FOXP2: variants seen among roughly 807,000 people sequenced by gnomAD.
FOXP2 encodes the protein forkhead box protein P2.
FOXP2 carries 12 observed loss-of-function variants against 115.8 expected under a neutral mutation model. The ratio of observed to expected loss-of-function variants is 0.10; its 90% CI spans 0.07 to 0.17. FOXP2 has a LOEUF of 0.17. FOXP2 is among the 10% of genes least tolerant of loss of function. The probability of loss-of-function intolerance (pLI) is 1.00; values close to 1 mark genes in which losing one functional copy is unlikely to be tolerated. For missense variants in FOXP2, 629 were observed against 843.5 expected, an observed-to-expected ratio of 0.75 and a Z score of 3.15; for synonymous variants, 328 against 297.7, an observed-to-expected ratio of 1.10 and a Z score of -1.05.
At chr7:114,334,947 AT>A (rs1797812171) in intron 2 of FOXP2, among the ~76,000 whole-genome samples, 1 of 143,264 alleles carries the variant, frequency 7.0e-6, no homozygotes, top group African/African-American at 2.6e-5. Flanking sequence ...ATATATATAT[AT>A]ATATATATAT....
chr7:114,510,344 A>G (rs553798677), intron 2 of FOXP2, among the ~76,000 whole-genome samples: 1 of 152,256 alleles, frequency 6.6e-6, no homozygotes, highest in Admixed American at 6.6e-5. Flanking sequence ...CCATTCAATT[A>G]TCTCTTTATG....
chr7:114,248,372 A>G (rs113096585), intron 1 of FOXP2, among the ~76,000 whole-genome samples: 132 of 152,316 alleles, frequency 8.7e-4, no homozygotes, highest in African/African-American at 3.0e-3. Flanking sequence ...CACACCCAGA[A>G]ATAATGTTTA....
At chr7:114,348,482 A>G (rs2690826) in intron 2 of FOXP2, among the ~76,000 whole-genome samples, 69,449 of 151,698 alleles carry the variant, frequency 0.46, 17,477 homozygotes, top group East Asian at 0.84. Flanking sequence ...CTCATCAAGA[A>G]TGATGGTATT....
At chr7:114,132,465 CAAAT>C (rs368968730) in intron 1 of FOXP2, among the ~76,000 whole-genome samples, 100 of 150,814 alleles carry the variant, frequency 6.6e-4, no homozygotes, top group South Asian at 2.5e-3. Flanking sequence ...GGGAAACTGA[CAAAT>C]AAATCTGTTA....
chr7:114,607,257 G>A (rs931210097), intron 3 of FOXP2, among the ~76,000 whole-genome samples: 2 of 152,112 alleles, frequency 1.3e-5, no homozygotes, highest in South Asian at 2.1e-4. Flanking sequence ...GAAGTGCAAG[G>A]CTAGATATAT....
chr7:114,504,271 T>A (rs1797707980), intron 2 of FOXP2, among the ~76,000 whole-genome samples: 1 of 151,668 alleles, frequency 6.6e-6, no homozygotes, highest in Non-Finnish European at 1.5e-5. Context: ...TCAGAATCTT[T>A]TATTACTTTT....
intron 16 of FOXP2, among the ~76,000 whole-genome samples, chr7:114,684,147 A>G (rs917433683): frequency 1.3e-5 from 2 of 152,136 alleles, no homozygotes; most frequent in African/African-American, 4.8e-5. Flanking sequence ...CATGGCTTCT[A>G]TGTGCTTGTT....
At chr7:114,625,993 T>C (rs749815562) in intron 3 of FOXP2, among the ~76,000 whole-genome samples, 39 of 151,812 alleles carry the variant, frequency 2.6e-4, no homozygotes, top group Non-Finnish European at 5.2e-4. Context: ...TATTTTTATA[T>C]CTGTATATTG....
chr7:114,268,830 G>T (rs1283700510), intron 1 of FOXP2, among the ~76,000 whole-genome samples: 2 of 152,078 alleles, frequency 1.3e-5, no homozygotes, highest in Non-Finnish European at 2.9e-5. Context: ...TGCTTTTTCT[G>T]AGAATGTATT....
intron 1 of FOXP2, among the ~76,000 whole-genome samples, chr7:114,221,165 C>G (rs1013799613): frequency 7.2e-5 from 11 of 152,032 alleles, no homozygotes; most frequent in African/African-American, 2.7e-4. Flanking sequence ...TTTAATTTTA[C>G]TGACTTGTTC....
At chr7:114,263,158 A>C (rs1267278408) in intron 1 of FOXP2, among the ~76,000 whole-genome samples, 2 of 151,982 alleles carry the variant, frequency 1.3e-5, no homozygotes, top group Admixed American at 1.3e-4. Flanking sequence ...CCTCATCACC[A>C]ATTCTTTTAT....
intron 2 of FOXP2, among the ~76,000 whole-genome samples, chr7:114,334,935 A>ATC (rs1562875842): frequency 8.0e-6 from 1 of 125,266 alleles, no homozygotes; most frequent in East Asian, 2.3e-4. Flanking sequence ...AGAAATCTAT[A>ATC]TATATATATA....
intron 1 of FOXP2, among the ~76,000 whole-genome samples, chr7:114,173,829 C>G (rs1376284096): frequency 6.6e-6 from 1 of 151,696 alleles, no homozygotes; most frequent in Non-Finnish European, 1.5e-5. Context: ...ATGATTTTTT[C>G]TGTGTTAAAG....
At chr7:114,235,797 G>C (rs960126732) in intron 1 of FOXP2, among the ~76,000 whole-genome samples, 52 of 152,058 alleles carry the variant, frequency 3.4e-4, no homozygotes, top group African/African-American at 1.2e-3. Flanking sequence ...GATGATCAGT[G>C]GTCAGAATAA....
At chr7:114,401,976 G>C (rs1792896600) in intron 2 of FOXP2, among the ~76,000 whole-genome samples, 3 of 152,062 alleles carry the variant, frequency 2.0e-5, no homozygotes, top group Admixed American at 6.5e-5. Context: ...ACAAAAATTA[G>C]CTAGGCATGG....
chr7:114,658,016 T>C (rs745750895), intron 10 of FOXP2, 50 bp from the exon 11 acceptor site: 2 of 1,605,528 alleles, frequency 1.2e-6, no homozygotes, highest in Non-Finnish European at 8.5e-7. Flanking sequence ...TTTTTAAGTC[T>C]TTTTCTCTTG....
At chr7:114,622,385 G>A (rs970088716) in intron 3 of FOXP2, among the ~76,000 whole-genome samples, 4 of 151,892 alleles carry the variant, frequency 2.6e-5, no homozygotes, top group African/African-American at 9.7e-5. Flanking sequence ...ATGAATGTGT[G>A]TGTAAAATTA....
At chr7:114,341,656 A>G (rs1270289202) in intron 2 of FOXP2, among the ~76,000 whole-genome samples, 2 of 151,212 alleles carry the variant, frequency 1.3e-5, no homozygotes, top group Non-Finnish European at 3.0e-5. Flanking sequence ...TCATTTCTCT[A>G]TTTCTTTCAC....
At chr7:114,482,635 C>T (rs534903650) in intron 2 of FOXP2, among the ~76,000 whole-genome samples, 3 of 151,682 alleles carry the variant, frequency 2.0e-5, no homozygotes, top group East Asian at 1.9e-4. Flanking sequence ...ATCACACCTA[C>T]TCTTACCTTG....
Sources: gnomAD v4.1 joint callset for allele counts (sites outside exome capture counted in the v4.1 genomes callset) on GRCh38, gnomAD v4.1.1 for gene constraint, MANE v1.5 for transcripts, NCBI Gene and HGNC (gene_info 2026-07-23, HGNC 2026-07-21) for gene names.